Variants in KIRREL3 observed in about 807,000 individuals in gnomAD.
The protein encoded by KIRREL3 is kirre like nephrin family adhesion molecule 3, also known as kin of IRRE-like protein 3.
A neutral mutation model predicts 89.7 loss-of-function variants in KIRREL3; 36 were observed. The observed-to-expected ratio is 0.40, with a 90% CI of 0.31 to 0.53. The LOEUF (loss-of-function observed/expected upper bound fraction) is 0.53, where lower values mean the gene tolerates loss of function less well. Among genes scored for constraint, KIRREL3 ranks in the 20% least tolerant of loss-of-function variants. The pLI is 0.49. For synonymous variants in KIRREL3, 445 were observed against 441.4 expected (o/e 1.01, Z -0.10); for missense variants, 864 against 1,056.6 (o/e 0.82, Z 2.53).
At position 126,755,543 on chromosome 11, in the gene KIRREL3, AC is replaced by A. The variant is rs1949464476; in HGVS notation, c.56-192632del. Among the ~76,000 whole-genome samples the A allele has an allele frequency of 6.6e-6, 1 of 152,198 alleles. No homozygotes were observed. The highest frequency in any genetic ancestry group is 2.4e-5 in the African/African-American group (1 of 41,448). ...AAGACACACACCAGAAAGTAAAAAA[AC>A]AAAACAACAACAACAAAAGAAAAAA... is the stretch of plus-strand genomic sequence containing the variant. On this transcript the variant is annotated intron_variant, in intron 1 of 16. Transcript: ENST00000525144. This position sits in a 1 kb window ranked among gnomAD's most constrained non-coding sequence, Gnocchi z 4.3.
intron 1 of KIRREL3, among the ~76,000 whole-genome samples, chr11:126,718,214 C>T (rs747595965): frequency 2.0e-5 from 3 of 152,158 alleles, no homozygotes; most frequent in South Asian, 2.1e-4. Context: ...CTCAGGCAGG[C>T]GGGCCCACCC....
rs1354298827 is a variant in KIRREL3 at position 126,668,912 on chromosome 11, A to G, written c.56-106000T>C. ...GTCATTGCAGGGTTAAGAAAATTTG[A>G]GCCGTTCCTTTCCTGCCTATGTTGG... is the stretch of plus-strand genomic sequence containing the variant. On this transcript the variant is annotated intron_variant, in intron 1 of 16. Transcript: ENST00000525144. This position sits in a 1 kb window ranked among gnomAD's most constrained non-coding sequence, Gnocchi z 4.4. Among the ~76,000 whole-genome samples the G allele has an allele frequency of 6.6e-6, 1 of 152,002 alleles. No individual in the cohort carries two copies. The highest frequency in any genetic ancestry group is 1.9e-4 in the East Asian group (1 of 5,178).
Position 126,491,215 on chromosome 11 carries a change from G to A in KIRREL3, c.434-17749C>T, listed in dbSNP as rs528394112. Among the ~76,000 whole-genome samples, 5 of 152,314 alleles carry A rather than the reference G, an allele frequency of 3.3e-5. No individual in the cohort carries two copies. The highest frequency in any genetic ancestry group is 7.2e-5 in the African/African-American group (3 of 41,564). On this transcript the variant is annotated intron_variant, in intron 4 of 16. Transcript: ENST00000525144. The surrounding 1 kb of genome is among the most constrained non-coding windows in gnomAD (Gnocchi z 5.5). ...GTCTGCATCTGAAAGTGGGCATGGC[G>A]GTGAAACCACCTGAGGGTCAGGAAG...
intron 4 of KIRREL3, among the ~76,000 whole-genome samples, chr11:126,504,227 GC>G (rs1195241900): frequency 3.3e-5 from 5 of 152,110 alleles, no homozygotes; most frequent in Admixed American, 2.6e-4. Context: ...TGCTATTCCA[GC>G]CTGAGTCCCT....
chr11:126,740,244 G>A lies in KIRREL3; in HGVS notation c.56-177332C>T, dbSNP rs1427891564. On this transcript the variant is annotated intron_variant, in intron 1 of 16. Coordinates refer to ENST00000525144, the MANE Select transcript of KIRREL3 (RefSeq NM_032531.4). This position sits in a 1 kb window ranked among gnomAD's most constrained non-coding sequence, Gnocchi z 6.0. ...GAGCAGGTAATAAAGGCTATAGTGGGGGAGTTCTACGGTGATTAATGGAAG... is the reference window on the plus strand; with the variant it reads ...GAGCAGGTAATAAAGGCTATAGTGGAGGAGTTCTACGGTGATTAATGGAAG... 1.3e-5 allele frequency among the ~76,000 whole-genome samples: 2 copies of A among 152,110 alleles called. No homozygotes were observed. The highest frequency in any genetic ancestry group is 2.4e-5 in the African/African-American group (1 of 41,412).
At chr11:126,585,076 C>T (rs899078622) in intron 1 of KIRREL3, among the ~76,000 whole-genome samples, 1 of 151,874 alleles carries the variant, frequency 6.6e-6, no homozygotes, top group African/African-American at 2.4e-5. Context: ...CCCGCCACCA[C>T]GCCCGGCTAA....
chr11:126,923,561 A>G, intron 1 of KIRREL3, among the ~76,000 whole-genome samples: 1 of 150,070 alleles, frequency 6.7e-6, no homozygotes. Context: ...CTCCTGCCTC[A>G]GCCTCCCTAG....
rs535578890 is a variant in KIRREL3, at chr11:126,633,502, A to T, written c.56-70590T>A. Among the ~76,000 whole-genome samples the T allele has an allele frequency of 5.9e-5, 9 of 152,154 alleles. No homozygotes were observed. The East Asian group carries it at 1.7e-3, about 29-fold the overall frequency. Reference sequence around the variant, plus strand: ...GAGTGAGTTCTCATTCTTCGTTCCCACAAGAATTGGTTGTTGAAAAGAGCC... The same window carrying T: ...GAGTGAGTTCTCATTCTTCGTTCCCTCAAGAATTGGTTGTTGAAAAGAGCC... On this transcript the variant is annotated intron_variant, in intron 1 of 16. Coordinates refer to ENST00000525144, the MANE Select transcript of KIRREL3 (RefSeq NM_032531.4).
rs535670395 is a variant in KIRREL3 at position 126,788,221 on chromosome 11, C to T, written c.55+212234G>A. Among the ~76,000 whole-genome samples the T allele has an allele frequency of 6.6e-6, 1 of 152,346 alleles. No individual in the cohort carries two copies. Among genetic ancestry groups the T allele is most frequent in the African/African-American group, 2.4e-5 (1 of 41,590 alleles). ...CTGGAAGGAAATCGTTTCTAACCAT[C>T]TCTTTTTCATTCCTATGGACGTTGC... On this transcript the variant is annotated intron_variant, in intron 1 of 16. Transcript: ENST00000525144. The surrounding 1 kb of genome is among the most constrained non-coding windows in gnomAD (Gnocchi z 4.1).
intron 1 of KIRREL3, among the ~76,000 whole-genome samples, chr11:126,998,610 G>A (rs1345116544): frequency 2.0e-5 from 3 of 152,160 alleles, no homozygotes; most frequent in Admixed American, 6.5e-5. Context: ...AATATTTAAA[G>A]ATTCACATGA....
rs1489674077 is a variant in KIRREL3 at position 126,754,595 on chromosome 11, ATAAAT to A, written c.56-191688_56-191684del. Among the ~76,000 whole-genome samples the A allele has an allele frequency of 1.3e-5, 2 of 151,966 alleles. No homozygotes were observed. Among genetic ancestry groups the A allele is most frequent in the African/African-American group, 4.8e-5 (2 of 41,368 alleles). On this transcript the variant is annotated intron_variant, in intron 1 of 16. Transcript: ENST00000525144. The surrounding 1 kb of genome is among the most constrained non-coding windows in gnomAD (Gnocchi z 5.1). ...TGCGAAGAAAGAATAGAGATACGAGATAAATTAAAGGGATCATTTTTAAAGTCACC... is the reference window on the plus strand; with the variant it reads ...TGCGAAGAAAGAATAGAGATACGAGATAAAGGGATCATTTTTAAAGTCACC...
chr11:126,534,543 C>A (rs1425386033), intron 2 of KIRREL3, among the ~76,000 whole-genome samples: 1 of 152,172 alleles, frequency 6.6e-6, no homozygotes, highest in African/African-American at 2.4e-5. Context: ...AGACAAAGCC[C>A]TTTGTCTCTG....
At chr11:126,560,352 A>G (rs1421151227) in intron 2 of KIRREL3, among the ~76,000 whole-genome samples, 1 of 152,198 alleles carries the variant, frequency 6.6e-6, no homozygotes, top group Non-Finnish European at 1.5e-5. Flanking sequence ...GATTCTATCC[A>G]CGAAGCTATT....
chr11:126,951,971 C>A (rs1250780784), intron 1 of KIRREL3, among the ~76,000 whole-genome samples: 1 of 152,130 alleles, frequency 6.6e-6, no homozygotes, highest in East Asian at 1.9e-4. Flanking sequence ...TAAAAAAGAT[C>A]CATGATGAGC....
intron 1 of KIRREL3, among the ~76,000 whole-genome samples, chr11:126,721,296 C>T (rs189554986): frequency 7.9e-5 from 12 of 152,072 alleles, no homozygotes; most frequent in African/African-American, 1.2e-4. Context: ...TTTGGGAGGC[C>T]GAGGTGGATG....
chr11:126,786,608 G>A (rs973654567), intron 1 of KIRREL3, among the ~76,000 whole-genome samples: 1 of 152,186 alleles, frequency 6.6e-6, no homozygotes, highest in Non-Finnish European at 1.5e-5. Flanking sequence ...CTTCCTCCAG[G>A]ATCACGTCTG....
At position 126,423,660 on chromosome 11, in the gene KIRREL3, C is replaced by T. The variant is rs1006511287; in HGVS notation, c.*920G>A. On this transcript the variant is annotated 3_prime_UTR_variant, in exon 17 of 17. Transcript: ENST00000525144. ...CATCTTAAAGACCTGCCCTCCAGCC[C>T]CTTCAAACGCCACACTTCCCAGGAA... 57 of 152,292 alleles carry T rather than the reference C, an allele frequency of 3.7e-4. No homozygotes were observed. The highest frequency in any genetic ancestry group is 1.3e-3 in the African/African-American group (54 of 41,558). 9.4% of individuals were successfully genotyped at this position (152,292 alleles called of 1,614,324 possible).
intron 2 of KIRREL3, among the ~76,000 whole-genome samples, chr11:126,539,011 G>A (rs1938145193): frequency 6.6e-6 from 1 of 152,182 alleles, no homozygotes; most frequent in Non-Finnish European, 1.5e-5. Flanking sequence ...CGTCAAGTGT[G>A]GAGAACAGAT....
Position 126,931,353 on chromosome 11 carries a change from CA to C in KIRREL3, c.55+69101del, listed in dbSNP as rs34932907. ...CCTGCCTTTCCTCCCTCCCTCCATACATTCCTTCTTTCCTTCCTTCCTCCCT... is the reference window on the plus strand; with the variant it reads ...CCTGCCTTTCCTCCCTCCCTCCATACTTCCTTCTTTCCTTCCTTCCTCCCT... On this transcript the variant is annotated intron_variant, in intron 1 of 16. Coordinates refer to ENST00000525144, the MANE Select transcript of KIRREL3 (RefSeq NM_032531.4). The surrounding 1 kb of genome is among the most constrained non-coding windows in gnomAD (Gnocchi z 5.1). Among the ~76,000 whole-genome samples, 133,600 of 152,120 alleles carry C rather than the reference CA, an allele frequency of 0.88. 58,878 individuals carry two copies. The highest frequency in any genetic ancestry group is 0.96 in the Middle Eastern group (283 of 294).
Sources: gnomAD v4.1 joint callset for allele counts (sites outside exome capture counted in the v4.1 genomes callset) on GRCh38, gnomAD v4.1.1 for gene constraint, Gnocchi (gnomAD v3.1) non-coding constraint, MANE v1.5 for transcripts, NCBI Gene and HGNC (gene_info 2026-07-23, HGNC 2026-07-21) for gene names.